PTH2R: variants seen among roughly 807,000 people sequenced by gnomAD.
PTH2R encodes the protein PTH2 receptor.
A neutral mutation model predicts 60.3 loss-of-function variants in PTH2R; 59 were observed. The observed-to-expected ratio is 0.98, with a 90% CI of 0.79 to 1.22. The LOEUF is 1.22. PTH2R is among the 50% of genes most tolerant of loss of function. The probability of loss-of-function intolerance (pLI) is 0.00; values close to 1 mark genes in which losing one functional copy is unlikely to be tolerated. For missense variants in PTH2R, 749 were observed against 682.6 expected (o/e 1.10, Z -1.08); for synonymous variants, 256 against 243.8 (o/e 1.05, Z -0.47).
At chr2:208,450,857 A>C (rs769655028) in intron 8 of PTH2R, 48 bp downstream of exon 8, 8 of 1,580,182 alleles carry the variant, frequency 5.1e-6, no homozygotes, top group Middle Eastern at 1.7e-4. Flanking sequence ...TGTTCTCAAG[A>C]CTCAGGCTTC....
chr2:208,398,240 A>G (rs931073263), intron 1 of PTH2R, among the ~76,000 whole-genome samples: 7 of 152,244 alleles, frequency 4.6e-5, no homozygotes, highest in Non-Finnish European at 8.8e-5. Context: ...TATCCTCATT[A>G]TAATTAGTGA....
chr2:208,480,925 A>C (rs1401860500), intron 9 of PTH2R, 145 bp from the exon 10 acceptor site: 7 of 589,462 alleles, frequency 1.2e-5, no homozygotes, highest in Admixed American at 6.9e-5. Flanking sequence ...CTAGCCTTCC[A>C]ATATCTGATC....
chr2:208,487,144 A>G (rs1703291542), intron 10 of PTH2R, among the ~76,000 whole-genome samples: 1 of 152,230 alleles, frequency 6.6e-6, no homozygotes, highest in Non-Finnish European at 1.5e-5. Flanking sequence ...AGGAAAGTGT[A>G]TGTACATGGA....
chr2:208,388,139 C>CA (rs1553541025), intron 1 of PTH2R, among the ~76,000 whole-genome samples: 10 of 149,546 alleles, frequency 6.7e-5, no homozygotes, highest in Admixed American at 2.7e-4. Context: ...GAAACCCCCC[C>CA]CCCCGTCTCT....
At chr2:208,472,056 A>G (rs1023130551) in intron 9 of PTH2R, among the ~76,000 whole-genome samples, 1 of 152,140 alleles carries the variant, frequency 6.6e-6, no homozygotes, top group African/African-American at 2.4e-5. Context: ...GAATGGCTGT[A>G]TTTACCCAAT....
intron 1 of PTH2R, among the ~76,000 whole-genome samples, chr2:208,398,575 G>A (rs1438459228): frequency 6.6e-6 from 1 of 152,118 alleles, no homozygotes; most frequent in Non-Finnish European, 1.5e-5. Flanking sequence ...GCTTCTTTAG[G>A]GGCATTGTAT....
intron 1 of PTH2R, among the ~76,000 whole-genome samples, chr2:208,420,103 G>A (rs1701723608): frequency 6.6e-6 from 1 of 152,152 alleles, no homozygotes; most frequent in Middle Eastern, 3.4e-3. Context: ...CATGGACACA[G>A]GAAGGGGAAC....
intron 10 of PTH2R, among the ~76,000 whole-genome samples, chr2:208,483,719 A>G (rs1559233735): frequency 6.6e-6 from 1 of 152,242 alleles, no homozygotes. Flanking sequence ...TTAGACTAAT[A>G]GAAGTCAGAA....
chr2:208,375,667 G>GGTGAT (rs908226775), intron 1 of PTH2R, among the ~76,000 whole-genome samples: 7 of 152,100 alleles, frequency 4.6e-5, no homozygotes, highest in South Asian at 4.1e-4. Flanking sequence ...CAGCCTGTGA[G>GGTGAT]GTGATGTGAT....
chr2:208,439,575 C>T (rs1169360707), intron 4 of PTH2R, among the ~76,000 whole-genome samples: 4 of 151,888 alleles, frequency 2.6e-5, no homozygotes, highest in Non-Finnish European at 4.4e-5. Context: ...ATAAATGCCA[C>T]ATTTTTATCA....
At chr2:208,477,899 TACTACTAGTACTAGC>T (rs1432592391) in intron 9 of PTH2R, among the ~76,000 whole-genome samples, 34 of 146,926 alleles carry the variant, frequency 2.3e-4, no homozygotes, top group Admixed American at 8.8e-4. Flanking sequence ...GTACTAGCAC[TACTACTAGTACTAGC>T]ACTACTACTA....
chr2:208,420,368 C>T (rs1157721214), intron 1 of PTH2R, among the ~76,000 whole-genome samples: 1 of 151,992 alleles, frequency 6.6e-6, no homozygotes, highest in African/African-American at 2.4e-5. Flanking sequence ...ATTTCTTCTC[C>T]ATAGCAGTGG....
chr2:208,422,782 T>G (rs1701782694), intron 1 of PTH2R, among the ~76,000 whole-genome samples: 1 of 152,146 alleles, frequency 6.6e-6, no homozygotes, highest in African/African-American at 2.4e-5. Flanking sequence ...AGATAACATC[T>G]TATAAAACTA....
At chr2:208,463,176 C>A (rs1276392317) in intron 9 of PTH2R, among the ~76,000 whole-genome samples, 1 of 152,110 alleles carries the variant, frequency 6.6e-6, no homozygotes, top group Admixed American at 6.6e-5. Context: ...CTTCTTCCTC[C>A]CCCATCTCAT....
chr2:208,384,147 C>CA (rs1231552836), intron 1 of PTH2R, among the ~76,000 whole-genome samples: 2 of 152,166 alleles, frequency 1.3e-5, no homozygotes, highest in Non-Finnish European at 2.9e-5. Context: ...AAAACAAGTG[C>CA]AATAGCAGTT....
At chr2:208,428,075 A>G (rs910640363) in intron 1 of PTH2R, 126 bp from the exon 2 acceptor site, 8 of 658,724 alleles carry the variant, frequency 1.2e-5, no homozygotes, top group African/African-American at 1.8e-5. Context: ...ATTCAGATAA[A>G]GGACTATTTC....
intron 1 of PTH2R, among the ~76,000 whole-genome samples, chr2:208,426,335 A>G (rs551358264): frequency 3.7e-4 from 56 of 152,294 alleles, no homozygotes; most frequent in Admixed American, 1.4e-3. Flanking sequence ...TTTGGGTGCA[A>G]TTGTTGCTTT....
intron 9 of PTH2R, among the ~76,000 whole-genome samples, chr2:208,470,973 TA>T (rs779124157): frequency 6.6e-6 from 1 of 152,194 alleles, no homozygotes; most frequent in Non-Finnish European, 1.5e-5. Flanking sequence ...TGACTCTTGT[TA>T]TCTTTTATCA....
At chr2:208,373,541 A>G (rs67608809) in intron 1 of PTH2R, among the ~76,000 whole-genome samples, 66,261 of 151,974 alleles carry the variant, frequency 0.44, 16,244 homozygotes, top group Admixed American at 0.54. Context: ...CTGCTCTTAT[A>G]TGGCACTTAG....
Sources: allele counts gnomAD v4.1 joint callset (sites outside exome capture counted in the v4.1 genomes callset), GRCh38; gene constraint gnomAD v4.1.1; transcripts MANE v1.5; gene names NCBI Gene and HGNC (gene_info 2026-07-23, HGNC 2026-07-21).